ALDH1A2: variants seen among roughly 807,000 people sequenced by gnomAD.
ALDH1A2 encodes retinal dehydrogenase 2.
Under a neutral mutation model 60.3 loss-of-function variants are expected in ALDH1A2, and 27 were observed. That is an observed-to-expected ratio of 0.45 (90% confidence interval 0.33 to 0.62). The LOEUF (loss-of-function observed/expected upper bound fraction) is 0.62, where lower values mean the gene tolerates loss of function less well. Among genes scored for constraint, ALDH1A2 ranks in the 20% least tolerant of loss-of-function variants. ALDH1A2 has a pLI of 0.02. For synonymous variants in ALDH1A2, 289 were observed against 232.4 expected, an observed-to-expected ratio of 1.24 and a Z score of -2.21; for missense variants, 581 against 643.8, an observed-to-expected ratio of 0.90 and a Z score of 1.06.
intron 7 of ALDH1A2, among the ~76,000 whole-genome samples, chr15:57,983,179 A>T (rs1424071290): frequency 6.6e-6 from 1 of 152,204 alleles, no homozygotes; most frequent in Non-Finnish European, 1.5e-5. Context: ...AAACAGTGAA[A>T]CCTAATATCC....
At chr15:57,989,590 C>T (rs1299170671) in intron 7 of ALDH1A2, among the ~76,000 whole-genome samples, 3 of 152,062 alleles carry the variant, frequency 2.0e-5, no homozygotes, top group East Asian at 3.8e-4. Context: ...CAGAAATTTC[C>T]TGTATAGTTT....
chr15:58,019,595 G>C (rs995589161), intron 1 of ALDH1A2, among the ~76,000 whole-genome samples: 1 of 152,182 alleles, frequency 6.6e-6, no homozygotes, highest in African/African-American at 2.4e-5. Flanking sequence ...AAAAAGAACA[G>C]ATGGTCCATA....
chr15:58,058,087 C>A (rs1896940547), intron 1 of ALDH1A2: 1 of 1,533,174 alleles, frequency 6.5e-7, no homozygotes, highest in Non-Finnish European at 8.7e-7. Context: ...AAGGATTCTG[C>A]CAGCAAGTCC....
Position 57,961,221 on chromosome 15 carries a change from T to A in ALDH1A2, c.1325A>T (p.Asp442Val), listed in dbSNP as rs761596202. ...DEVIERANNSDFGLVAAVFTN... is the reference protein window; with the variant it reads ...DEVIERANNSVFGLVAAVFTN... ...AAAGACAGCTGCTACGAGTCCAAAGTCTGAGTTATTGGCTCTTTCGATAAC... is the reference window on the plus strand; with the variant it reads ...AAAGACAGCTGCTACGAGTCCAAAGACTGAGTTATTGGCTCTTTCGATAAC... Residue 442 changes from aspartate to valine, a missense_variant, in exon 11 of 13, where the codon GAC (aspartate) becomes GTC (valine). Around this residue, in one of 2 missense-constraint regions of ALDH1A2, gnomAD observed 375 missense variants for 469.7 expected, o/e 0.80. Transcript: ENST00000249750. 4 of 1,614,148 alleles carry A rather than the reference T, an allele frequency of 2.5e-6. No homozygotes were observed. The Admixed American group carries it at 6.7e-5, about 27-fold the overall frequency.
At chr15:57,981,323 CACACAG>C (rs1304130106) in intron 7 of ALDH1A2, among the ~76,000 whole-genome samples, 24 of 145,134 alleles carry the variant, frequency 1.7e-4, no homozygotes, top group African/African-American at 3.4e-4. Flanking sequence ...CACACACACA[CACACAG>C]ACACACACAA....
chr15:58,065,485 A>T (rs1897152900), intron 1 of ALDH1A2, 49 bp downstream of exon 1: 1 of 1,463,130 alleles, frequency 6.8e-7, no homozygotes, highest in South Asian at 1.1e-5. Flanking sequence ...GAAACCGAAG[A>T]AGGTTCTAGA....
chr15:57,957,444 C>T (rs1893566144), intron 12 of ALDH1A2, among the ~76,000 whole-genome samples: 1 of 152,144 alleles, frequency 6.6e-6, no homozygotes, highest in Non-Finnish European at 1.5e-5. Context: ...TCATTGAGCC[C>T]TGAAGTCTCG....
At position 57,964,212 on chromosome 15, in the gene ALDH1A2, CAACTAGTTCT is replaced by C. The variant is rs548803596; in HGVS notation, c.902-153_902-144del. 1.5e-4 allele frequency: 119 copies of C among 804,234 alleles called. No homozygotes were observed. The African/African-American group carries it at 1.9e-3, about 13-fold the overall frequency. 49.8% of individuals were successfully genotyped at this position (804,234 alleles called of 1,614,324 possible). Reference sequence around the variant, plus strand: ...CATGAATAGCCCTGGATTGGGAATGCAACTAGTTCTAACTACACCCTGACATGCTATGTGA... The same window carrying C: ...CATGAATAGCCCTGGATTGGGAATGCAACTACACCCTGACATGCTATGTGA... On this transcript the variant is annotated intron_variant, in intron 8 of 12. Transcript: ENST00000249750.
chr15:57,997,419 A>G (rs1289624107), intron 4 of ALDH1A2, among the ~76,000 whole-genome samples: 1 of 152,022 alleles, frequency 6.6e-6, no homozygotes, highest in African/African-American at 2.4e-5. Context: ...GTTCAGGTGG[A>G]TAGTCACAGA....
At chr15:57,986,227 G>A (rs938371294) in intron 7 of ALDH1A2, among the ~76,000 whole-genome samples, 3 of 152,034 alleles carry the variant, frequency 2.0e-5, no homozygotes, top group Non-Finnish European at 2.9e-5. Flanking sequence ...TAGAGAAAAG[G>A]AAATCCTTTT....
At chr15:58,032,411 G>T (rs546128797) in intron 1 of ALDH1A2, among the ~76,000 whole-genome samples, 2 of 151,982 alleles carry the variant, frequency 1.3e-5, no homozygotes, top group East Asian at 1.9e-4. Context: ...TGTTAAATGA[G>T]TAGTTAATGG....
chr15:58,013,708 T>C, intron 3 of ALDH1A2, 150 bp downstream of exon 3: 1 of 1,021,140 alleles, frequency 9.8e-7, no homozygotes, highest in Admixed American at 2.9e-5. Flanking sequence ...GCTGAAATCG[T>C]GCCACTGCGC....
At chr15:58,039,454 C>A (rs1343484647) in intron 1 of ALDH1A2, among the ~76,000 whole-genome samples, 1 of 151,788 alleles carries the variant, frequency 6.6e-6, no homozygotes, top group Non-Finnish European at 1.5e-5. Flanking sequence ...CCAGAGAGTT[C>A]ATTGTTCAAC....
At chr15:58,048,216 T>A (rs1896681181) in intron 1 of ALDH1A2, among the ~76,000 whole-genome samples, 1 of 152,090 alleles carries the variant, frequency 6.6e-6, no homozygotes, top group African/African-American at 2.4e-5. Flanking sequence ...AGCTTTAAAA[T>A]ACTAATAGAA....
intron 1 of ALDH1A2, among the ~76,000 whole-genome samples, chr15:58,054,837 T>C (rs1462139016): frequency 6.6e-6 from 1 of 152,068 alleles, no homozygotes; most frequent in Non-Finnish European, 1.5e-5. Context: ...AAAAACATCG[T>C]TCTTTATCAT....
At chr15:58,005,897 T>C (rs559252792) in intron 4 of ALDH1A2, among the ~76,000 whole-genome samples, 1 of 151,994 alleles carries the variant, frequency 6.6e-6, no homozygotes, top group Non-Finnish European at 1.5e-5. Flanking sequence ...CTAGATACAG[T>C]CGATTTTCAT....
chr15:58,062,182 C>T (rs560074186), intron 1 of ALDH1A2, among the ~76,000 whole-genome samples: 1 of 152,216 alleles, frequency 6.6e-6, no homozygotes, highest in Admixed American at 6.5e-5. Context: ...CTCTTCCTCC[C>T]TGTGTTTCAG....
At chr15:58,012,710 G>A (rs1400734804) in intron 3 of ALDH1A2, among the ~76,000 whole-genome samples, 2 of 152,038 alleles carry the variant, frequency 1.3e-5, no homozygotes, top group East Asian at 3.9e-4. Context: ...TTCCATAAAG[G>A]AATCATTTTG....
At chr15:58,049,301 A>G (rs1320684020) in intron 1 of ALDH1A2, among the ~76,000 whole-genome samples, 1 of 152,016 alleles carries the variant, frequency 6.6e-6, no homozygotes, top group Admixed American at 6.6e-5. Flanking sequence ...GTGTACAAAG[A>G]TTGCTAGATG....
Sources: allele counts gnomAD v4.1 joint callset (sites outside exome capture counted in the v4.1 genomes callset), GRCh38; gene constraint gnomAD v4.1.1; regional missense constraint gnomAD v4.1.1; transcripts MANE v1.5; gene names NCBI Gene and HGNC (gene_info 2026-07-23, HGNC 2026-07-21).